The following SCHIP1 variants were observed in gnomAD, a reference collection of about 807,000 sequenced individuals.
The protein encoded by SCHIP1 is schwannomin interacting protein 1.
Under a neutral mutation model 29.7 loss-of-function variants are expected in SCHIP1, and 8 were observed. The ratio of observed to expected loss-of-function variants is 0.27; its 90% confidence interval spans 0.16 to 0.49. SCHIP1 has a LOEUF of 0.49. Ranked by LOEUF, SCHIP1 falls within the 20% of genes least tolerant of loss-of-function variation. The probability of loss-of-function intolerance (pLI) is 0.99; values close to 1 mark genes in which losing one functional copy is unlikely to be tolerated. For missense variants in SCHIP1, 193 were observed against 294.6 expected, an observed-to-expected ratio of 0.66 and a Z score of 2.52; for synonymous variants, 76 against 94.9, an observed-to-expected ratio of 0.80 and a Z score of 1.16.
the SCHIP1 span, among the ~76,000 whole-genome samples, chr3:159,365,811 C>T: frequency 4.9e-4 from 75 of 152,294 alleles, no homozygotes; most frequent in African/African-American, 1.8e-3. Flanking sequence ...CTACTTCACA[C>T]ATTGGACAGA....
the SCHIP1 span, among the ~76,000 whole-genome samples, chr3:159,472,274 T>A: frequency 2.0e-5 from 3 of 152,158 alleles, no homozygotes; most frequent in African/African-American, 7.2e-5. Flanking sequence ...AAGATACTAT[T>A]TAAGGACAAC....
chr3:159,568,662 A>T, the SCHIP1 span, among the ~76,000 whole-genome samples: 1 of 152,082 alleles, frequency 6.6e-6, no homozygotes, highest in Non-Finnish European at 1.5e-5. Context: ...GTTTGAGAAA[A>T]AATATGTATT....
At chr3:159,675,195 T>C in the SCHIP1 span, among the ~76,000 whole-genome samples, 561 of 152,338 alleles carry the variant, frequency 3.7e-3, 1 homozygote, top group Non-Finnish European at 5.7e-3. Context: ...GAATCTCCTG[T>C]ACAAGTCTGA....
At chr3:159,800,516 C>T in the SCHIP1 span, among the ~76,000 whole-genome samples, 1 of 152,178 alleles carries the variant, frequency 6.6e-6, no homozygotes, top group South Asian at 2.1e-4. Context: ...GGAGCAAGAA[C>T]GTGAACTTTG....
chr3:159,551,527 A>G, the SCHIP1 span, among the ~76,000 whole-genome samples: 1 of 152,218 alleles, frequency 6.6e-6, no homozygotes, highest in African/African-American at 2.4e-5. Flanking sequence ...AGTAGAATCA[A>G]TATCTATAAA....
At chr3:159,432,329 T>A in the SCHIP1 span, among the ~76,000 whole-genome samples, 206 of 99,944 alleles carry the variant, frequency 2.1e-3, 1 homozygote, top group South Asian at 0.015. Context: ...TGTGTGTGTG[T>A]GTGTGTGTGT....
At chr3:159,572,523 T>C in the SCHIP1 span, among the ~76,000 whole-genome samples, 6 of 152,230 alleles carry the variant, frequency 3.9e-5, no homozygotes, top group Non-Finnish European at 7.3e-5. Flanking sequence ...TGCTGAGGAA[T>C]GCTTTACTTC....
At chr3:159,489,429 A>G in the SCHIP1 span, among the ~76,000 whole-genome samples, 3 of 152,222 alleles carry the variant, frequency 2.0e-5, no homozygotes, top group Non-Finnish European at 1.5e-5. Context: ...TGCTTGTGAT[A>G]AGGAGATAAA....
chr3:159,444,379 A>G, the SCHIP1 span, among the ~76,000 whole-genome samples: 2 of 152,138 alleles, frequency 1.3e-5, no homozygotes, highest in East Asian at 3.9e-4. Context: ...CCAAGAAGCC[A>G]TTTGTATACA....
At chr3:159,571,889 T>G in the SCHIP1 span, among the ~76,000 whole-genome samples, 2 of 152,244 alleles carry the variant, frequency 1.3e-5, no homozygotes, top group African/African-American at 2.4e-5. Context: ...ATCCATTTCT[T>G]CTAGATTTTC....
At chr3:159,432,333 TGTGTGTGA>T in the SCHIP1 span, among the ~76,000 whole-genome samples, 1,115 of 82,788 alleles carry the variant, frequency 0.013, 7 homozygotes, top group Non-Finnish European at 0.019. Flanking sequence ...TGTGTGTGTG[TGTGTGTGA>T]GAGAGAGAGA....
At chr3:159,582,359 G>A in the SCHIP1 span, among the ~76,000 whole-genome samples, 27 of 151,864 alleles carry the variant, frequency 1.8e-4, no homozygotes, top group African/African-American at 5.8e-4. Context: ...TAGAAATGAT[G>A]TCTTACTATG....
the SCHIP1 span, among the ~76,000 whole-genome samples, chr3:159,677,529 A>G: frequency 1.4e-4 from 22 of 152,140 alleles, no homozygotes; most frequent in African/African-American, 5.3e-4. Flanking sequence ...TTTAAACCTA[A>G]TCTTCCAGGT....
the SCHIP1 span, among the ~76,000 whole-genome samples, chr3:159,314,705 C>G: frequency 1.3e-5 from 2 of 152,200 alleles, no homozygotes; most frequent in African/African-American, 2.4e-5. Context: ...TATTACTAAG[C>G]TGTCATTCCA....
chr3:159,282,391 A>G, the SCHIP1 span, among the ~76,000 whole-genome samples: 1 of 151,860 alleles, frequency 6.6e-6, no homozygotes, highest in Non-Finnish European at 1.5e-5. Flanking sequence ...TATGTGTTAA[A>G]TATTACGTAT....
At chr3:159,847,206 T>C (rs186363688) in intron 1 of SCHIP1, among the ~76,000 whole-genome samples, 1 of 152,310 alleles carries the variant, frequency 6.6e-6, no homozygotes, top group Admixed American at 6.5e-5. Flanking sequence ...TCACATTGCA[T>C]TGATGCTTGC....
the SCHIP1 span, among the ~76,000 whole-genome samples, chr3:159,603,864 G>C: frequency 6.6e-6 from 1 of 152,238 alleles, no homozygotes; most frequent in African/African-American, 2.4e-5. Context: ...TACCTGCAGA[G>C]TCCTGAGGGA....
chr3:159,789,586 T>G, the SCHIP1 span, among the ~76,000 whole-genome samples: 1 of 152,192 alleles, frequency 6.6e-6, no homozygotes, highest in Non-Finnish European at 1.5e-5. Context: ...ATTGCTGGGC[T>G]CCACACTCCT....
chr3:159,556,975 G>A, the SCHIP1 span, among the ~76,000 whole-genome samples: 3 of 144,340 alleles, frequency 2.1e-5, no homozygotes, highest in Non-Finnish European at 4.6e-5. Flanking sequence ...TTTTTTTTTT[G>A]GAGATAGAGT....
Sources: gnomAD v4.1 joint callset for allele counts (sites outside exome capture counted in the v4.1 genomes callset) on GRCh38, gnomAD v4.1.1 for gene constraint, MANE v1.5 for transcripts, NCBI Gene and HGNC (gene_info 2026-07-23, HGNC 2026-07-21) for gene names.